The following DIAPH3 variants were observed in gnomAD, a reference collection of about 807,000 sequenced individuals.
DIAPH3 encodes diaphanous related formin 3.
In DIAPH3, 117 loss-of-function variants were observed where a neutral mutation model predicts 144.3. The ratio of observed to expected loss-of-function variants is 0.81; its 90% CI spans 0.70 to 0.95. The LOEUF (loss-of-function observed/expected upper bound fraction) is 0.95. Ranked by LOEUF, DIAPH3 falls within the 40% of genes least tolerant of loss-of-function variation. DIAPH3 has a pLI of 0.00. For synonymous variants in DIAPH3, 519 were observed against 488.9 expected (o/e 1.06, Z -0.81); for missense variants, 1,421 against 1,412.7 (o/e 1.01, Z -0.09).
At chr13:59,974,865 T>C (rs1428002112) in intron 14 of DIAPH3, among the ~76,000 whole-genome samples, 2 of 152,140 alleles carry the variant, frequency 1.3e-5, no homozygotes, top group East Asian at 3.9e-4. Flanking sequence ...ATCTGAAGTA[T>C]ATCAACATGA....
At chr13:59,898,840 G>T (rs1424754387) in intron 20 of DIAPH3, among the ~76,000 whole-genome samples, 1 of 152,154 alleles carries the variant, frequency 6.6e-6, no homozygotes, top group Non-Finnish European at 1.5e-5. Flanking sequence ...TTGTTCCTGG[G>T]TATGTCTTGA....
At chr13:59,765,946 C>T (rs2037840629) in intron 27 of DIAPH3, among the ~76,000 whole-genome samples, 1 of 152,176 alleles carries the variant, frequency 6.6e-6, no homozygotes, top group Non-Finnish European at 1.5e-5. Flanking sequence ...GCAGTAGGGT[C>T]CCCCATCCCT....
chr13:60,148,118 A>G (rs1951621322), intron 1 of DIAPH3, among the ~76,000 whole-genome samples: 1 of 152,212 alleles, frequency 6.6e-6, no homozygotes, highest in Non-Finnish European at 1.5e-5. Context: ...AATAAATCCA[A>G]GGATAAAATG....
At chr13:59,964,426 A>G (rs2140518111) in intron 17 of DIAPH3, among the ~76,000 whole-genome samples, 1 of 152,184 alleles carries the variant, frequency 6.6e-6, no homozygotes, top group East Asian at 2.0e-4. Flanking sequence ...ACATCTGTAC[A>G]GTATGCAAGA....
At chr13:59,699,359 C>T (rs1162701603) in intron 27 of DIAPH3, among the ~76,000 whole-genome samples, 1 of 152,166 alleles carries the variant, frequency 6.6e-6, no homozygotes, top group Non-Finnish European at 1.5e-5. Context: ...CTGGGAATAG[C>T]AAGATGGCTG....
chr13:60,129,731 G>C (rs1476786060), intron 2 of DIAPH3, among the ~76,000 whole-genome samples: 1 of 152,236 alleles, frequency 6.6e-6, no homozygotes, highest in South Asian at 2.1e-4. Context: ...TGTTGTAAGG[G>C]GGCAAACTTC....
intron 18 of DIAPH3, among the ~76,000 whole-genome samples, chr13:59,916,697 T>A (rs756748923): frequency 6.6e-6 from 1 of 152,172 alleles, no homozygotes; most frequent in Non-Finnish European, 1.5e-5. Context: ...CAGGAAAAAG[T>A]ATTTTAAGAA....
At chr13:60,052,991 TAAGA>T (rs1055002841) in intron 4 of DIAPH3, among the ~76,000 whole-genome samples, 1 of 76,438 alleles carries the variant, frequency 1.3e-5, no homozygotes, top group Non-Finnish European at 2.7e-5. Flanking sequence ...GAAATAATAA[TAAGA>T]AAGAAGAAAA....
At chr13:60,017,154 A>T (rs2053707452) in intron 5 of DIAPH3, among the ~76,000 whole-genome samples, 1 of 152,192 alleles carries the variant, frequency 6.6e-6, no homozygotes, top group African/African-American at 2.4e-5. Context: ...CTGTAATCCC[A>T]GCACTTTGGG....
chr13:59,992,282 G>C (rs1472073522), intron 10 of DIAPH3, 96 bp from the exon 11 acceptor site: 1 of 1,120,226 alleles, frequency 8.9e-7, no homozygotes, highest in Non-Finnish European at 1.3e-6. Flanking sequence ...CATTCAACTT[G>C]ATTTATAGCA....
chr13:59,920,590 C>T (rs186565605), intron 18 of DIAPH3, among the ~76,000 whole-genome samples: 392 of 151,298 alleles, frequency 2.6e-3, no homozygotes, highest in Non-Finnish European at 3.4e-3. Flanking sequence ...ACCAAAGCAT[C>T]TAAATATACA....
intron 1 of DIAPH3, among the ~76,000 whole-genome samples, chr13:60,155,381 T>C (rs1951977586): frequency 6.6e-6 from 1 of 152,204 alleles, no homozygotes; most frequent in African/African-American, 2.4e-5. Flanking sequence ...TGCCATATGT[T>C]ATCTACTTTC....
At chr13:59,686,299 A>G (rs2033207467) in intron 27 of DIAPH3, among the ~76,000 whole-genome samples, 1 of 152,136 alleles carries the variant, frequency 6.6e-6, no homozygotes. Flanking sequence ...TCTAAGCTGT[A>G]AATTTGCCAG....
intron 21 of DIAPH3, among the ~76,000 whole-genome samples, chr13:59,875,416 G>A (rs528785131): frequency 1.3e-4 from 20 of 151,884 alleles, no homozygotes; most frequent in Non-Finnish European, 2.4e-4. Flanking sequence ...TGACTGAAAC[G>A]TACATTTTTT....
chr13:59,956,996 C>T (rs543074158), intron 17 of DIAPH3, among the ~76,000 whole-genome samples: 2 of 152,132 alleles, frequency 1.3e-5, no homozygotes, highest in African/African-American at 2.4e-5. Context: ...TGTATTTACC[C>T]GATGCATGTA....
chr13:60,094,856 A>T (rs182293823), intron 3 of DIAPH3, among the ~76,000 whole-genome samples: 15 of 152,346 alleles, frequency 9.8e-5, no homozygotes, highest in African/African-American at 3.6e-4. Flanking sequence ...TGACACTACG[A>T]TAAAAGGTAG....
chr13:59,982,755 A>C (rs2051098780), intron 13 of DIAPH3, among the ~76,000 whole-genome samples: 1 of 151,710 alleles, frequency 6.6e-6, no homozygotes, highest in Admixed American at 6.6e-5. Flanking sequence ...TTGCACTTTT[A>C]ATAGATCTTT....
Position 59,800,193 on chromosome 13 carries a change from T to C in DIAPH3, c.3163+10595A>G, listed in dbSNP as rs146713399. ...TACTCATTAGTTAAGTTGTAATATA[T>C]TCAGATGGAAAATTTTATCTCTAAG... On this transcript the variant is annotated intron_variant, in intron 25 of 27. Transcript: ENST00000400324. 9.7e-4 allele frequency among the ~76,000 whole-genome samples: 148 copies of C among 152,310 alleles called. No homozygotes were observed. The East Asian group carries it at 0.027, about 28-fold the overall frequency.
intron 4 of DIAPH3, among the ~76,000 whole-genome samples, chr13:60,084,298 T>C (rs1359917480): frequency 6.6e-6 from 1 of 152,060 alleles, no homozygotes; most frequent in East Asian, 1.9e-4. Context: ...AAGCTACACA[T>C]CTTTTTTTGA....
Sources: allele counts gnomAD v4.1 joint callset (sites outside exome capture counted in the v4.1 genomes callset), GRCh38; gene constraint gnomAD v4.1.1; transcripts MANE v1.5; gene names NCBI Gene and HGNC (gene_info 2026-07-23, HGNC 2026-07-21).